The following HIVEP3 variants were observed in gnomAD, a reference collection of about 807,000 sequenced individuals.
HIVEP3 encodes the protein HIVEP zinc finger 3, also known as transcription factor HIVEP3.
Under a neutral mutation model 152.8 loss-of-function variants are expected in HIVEP3, and 49 were observed. That is an observed-to-expected ratio of 0.32 (90% CI 0.26 to 0.41). The LOEUF is 0.41. Among genes scored for constraint, HIVEP3 ranks in the 10% least tolerant of loss-of-function variants. The pLI is 1.00. For synonymous variants in HIVEP3, 1,269 were observed against 1,289.0 expected, an observed-to-expected ratio of 0.98 and a Z score of 0.33; for missense variants, 2,790 against 3,103.3, an observed-to-expected ratio of 0.90 and a Z score of 2.40.
intron 1 of HIVEP3, among the ~76,000 whole-genome samples, chr1:41,959,020 C>T (rs1645155413): frequency 6.6e-6 from 1 of 152,210 alleles, no homozygotes; most frequent in African/African-American, 2.4e-5. Flanking sequence ...CAGGAGACTT[C>T]AGCCGGCCTC....
At chr1:41,860,980 T>A (rs144582743) in intron 1 of HIVEP3, among the ~76,000 whole-genome samples, 3 of 152,272 alleles carry the variant, frequency 2.0e-5, no homozygotes, top group Admixed American at 1.3e-4. Flanking sequence ...CAGGACTAGG[T>A]TCTTGGCAAC....
intron 1 of HIVEP3, among the ~76,000 whole-genome samples, chr1:41,736,183 C>T (rs1197324170): frequency 1.3e-5 from 2 of 152,166 alleles, no homozygotes; most frequent in Admixed American, 6.5e-5. Flanking sequence ...TGATCCCTCC[C>T]CACTTTTAGA....
rs1353669433 is a variant in HIVEP3 at position 41,585,149 on chromosome 1, T to G, written c.-352A>C. On this transcript the variant is annotated 5_prime_UTR_variant, in exon 4 of 9. Coordinates refer to ENST00000372583, the MANE Select transcript of HIVEP3 (RefSeq NM_024503.5). ...GGCAGTGGCAGGTGGCCCCCACGAGTCCCCCGTGTGCTATGCAAACGGTTG... is the reference window on the plus strand; with the variant it reads ...GGCAGTGGCAGGTGGCCCCCACGAGGCCCCCGTGTGCTATGCAAACGGTTG... 5.0e-6 allele frequency: 2 copies of G among 398,932 alleles called. No homozygotes were observed. Among genetic ancestry groups the G allele is most frequent in the Non-Finnish European group, 8.8e-6 (2 of 227,152 alleles). 24.7% of individuals were successfully genotyped at this position (398,932 alleles called of 1,614,324 possible). A position where few individuals can be genotyped will look rare whatever the true frequency, so the allele number is the denominator to read the frequency against.
intron 1 of HIVEP3, among the ~76,000 whole-genome samples, chr1:41,893,793 T>C (rs1216180472): frequency 2.0e-5 from 3 of 147,488 alleles, no homozygotes; most frequent in Non-Finnish European, 4.5e-5. Context: ...ATTTATATAT[T>C]AAATATGCAT....
chr1:41,732,537 G>T (rs182782673), intron 1 of HIVEP3, among the ~76,000 whole-genome samples: 2 of 152,106 alleles, frequency 1.3e-5, no homozygotes, highest in African/African-American at 2.4e-5. Context: ...TAGAAAGGCA[G>T]GGGAAAGTAG....
chr1:42,032,714 G>C (rs1185696083), intron 1 of HIVEP3, among the ~76,000 whole-genome samples: 1 of 152,036 alleles, frequency 6.6e-6, no homozygotes, highest in African/African-American at 2.4e-5. Flanking sequence ...CGGACAGGCA[G>C]TTGCTGGGTG....
chr1:41,929,941 T>C (rs907595379), intron 1 of HIVEP3, among the ~76,000 whole-genome samples: 2 of 151,972 alleles, frequency 1.3e-5, no homozygotes, highest in Non-Finnish European at 2.9e-5. Context: ...GGTTAACACA[T>C]ACCCCTGTGA....
chr1:41,618,878 T>C (rs1352112852), intron 3 of HIVEP3, among the ~76,000 whole-genome samples: 1 of 152,236 alleles, frequency 6.6e-6, no homozygotes, highest in Non-Finnish European at 1.5e-5. Flanking sequence ...CAGCAAATCA[T>C]GTTGGCTTGA....
chr1:42,035,118 A>T (rs983424935), intron 1 of HIVEP3, among the ~76,000 whole-genome samples: 2 of 152,256 alleles, frequency 1.3e-5, no homozygotes, highest in African/African-American at 4.8e-5. Flanking sequence ...ACAAAGTGTC[A>T]GGAAAATGCT....
intron 1 of HIVEP3, among the ~76,000 whole-genome samples, chr1:41,866,970 G>A (rs191211595): frequency 2.1e-3 from 320 of 152,330 alleles, no homozygotes; most frequent in Non-Finnish European, 3.4e-3. Context: ...GAGTATTTCA[G>A]GCATAACAGG....
intron 1 of HIVEP3, among the ~76,000 whole-genome samples, chr1:41,743,354 A>G (rs57082074): frequency 0.076 from 11,543 of 152,266 alleles, 1,512 homozygotes; most frequent in African/African-American, 0.26. Context: ...TAAAGGAAAG[A>G]ACCTTGTCTG....
In HIVEP3 at chr1:41,632,128, A is replaced by C. The variant is rs115321972; in HGVS notation, c.-720-3181T>G. On this transcript the variant is annotated intron_variant, in intron 2 of 8. Coordinates refer to ENST00000372583, the MANE Select transcript of HIVEP3 (RefSeq NM_024503.5). ...ATCCACTGTGCTCAGCCACGGCTTA[A>C]AGCCCTTCTAGATTGCATACAACTC... 2.5e-3 allele frequency among the ~76,000 whole-genome samples: 380 copies of C among 152,280 alleles called. 2 individuals carry two copies. The highest frequency in any genetic ancestry group is 8.7e-3 in the African/African-American group (361 of 41,568).
At position 41,991,277 on chromosome 1, in the gene HIVEP3, A is replaced by G. The variant is rs562457585; in HGVS notation, n.119+44530T>C. Among the ~76,000 whole-genome samples the G allele has an allele frequency of 7.9e-5, 12 of 152,210 alleles. No homozygotes were observed. The East Asian group carries it at 2.3e-3, about 29-fold the overall frequency. On this transcript the variant is annotated intron_variant and non_coding_transcript_variant, in intron 1 of 3. Coordinates refer to the HIVEP3 transcript ENST00000489103. ...AAGACTAATAAAGAAAAAAAGAGAG[A>G]AGAATCAAATAGATGCAATAAAAAA...
intron 1 of HIVEP3, among the ~76,000 whole-genome samples, chr1:41,815,634 G>T (rs1651212556): frequency 6.6e-6 from 1 of 152,176 alleles, no homozygotes; most frequent in South Asian, 2.1e-4. Flanking sequence ...ACCCATAACA[G>T]GCCTCAGAGG....
rs1296918146 is a variant in HIVEP3 at position 41,584,786 on chromosome 1, T to C, written c.12A>G (p.Glu4=). 6.6e-7 allele frequency: 1 copy of C among 1,514,160 alleles called. No homozygotes were observed. Among genetic ancestry groups the C allele is most frequent in the Non-Finnish European group, 8.8e-7 (1 of 1,132,518 alleles). The allele number at this position is 1,514,160 out of a possible 1,614,324, so 93.8% of individuals were successfully genotyped here. Reference sequence around the variant, plus strand: ...CCTTCTTGGTGCCCTTGACACTTTGTTCAGGATCCATGACCTTCACAAAGA... The same window carrying C: ...CCTTCTTGGTGCCCTTGACACTTTGCTCAGGATCCATGACCTTCACAAAGA... MDP[E]QSVKGTKKAE... Residue 4 remains glutamate, a synonymous_variant, in exon 4 of 9, where the codon GAA becomes GAG. Transcript: ENST00000372583. The surrounding 1 kb of genome is among the most constrained non-coding windows in gnomAD (Gnocchi z 5.2).
intron 1 of HIVEP3, among the ~76,000 whole-genome samples, chr1:41,882,566 T>TA (rs979296878): frequency 1.6e-4 from 24 of 152,246 alleles, no homozygotes; most frequent in African/African-American, 5.8e-4. Context: ...CTAGGCTTGA[T>TA]AGGAAGGGGA....
chr1:41,639,052 C>G (rs940367589), intron 2 of HIVEP3, among the ~76,000 whole-genome samples: 2 of 152,230 alleles, frequency 1.3e-5, no homozygotes, highest in African/African-American at 4.8e-5. Flanking sequence ...CTTCCCTCCA[C>G]TCTGAACGGA....
intron 1 of HIVEP3, among the ~76,000 whole-genome samples, chr1:42,015,943 A>C (rs1038813562): frequency 6.6e-6 from 1 of 152,246 alleles, no homozygotes; most frequent in Admixed American, 6.5e-5. Context: ...TTGCATCAAA[A>C]GTCTTTAGGA....
At chr1:41,524,653 G>T in intron 6 of HIVEP3, 82 bp downstream of exon 6, 1 of 1,313,550 alleles carries the variant, frequency 7.6e-7, no homozygotes, top group Non-Finnish European at 1.1e-6. Flanking sequence ...AGAGGTCTGG[G>T]CACCTGAACT....
Sources: gnomAD v4.1 joint callset for allele counts (sites outside exome capture counted in the v4.1 genomes callset) on GRCh38, gnomAD v4.1.1 for gene constraint, Gnocchi (gnomAD v3.1) non-coding constraint, MANE v1.5 for transcripts, NCBI Gene and HGNC (gene_info 2026-07-23, HGNC 2026-07-21) for gene names.